POLRMT: variants seen among roughly 807,000 people sequenced by gnomAD.
POLRMT encodes the protein RNA polymerase mitochondrial, also known as DNA-directed RNA polymerase, mitochondrial.
POLRMT carries 114 observed loss-of-function variants against 132.2 expected under a neutral mutation model. The ratio of observed to expected loss-of-function variants is 0.86; its 90% CI spans 0.74 to 1.01. The LOEUF (loss-of-function observed/expected upper bound fraction) is 1.01. Ranked by LOEUF, POLRMT falls within the 50% of genes least tolerant of loss-of-function variation. POLRMT has a pLI of 0.00. For missense variants in POLRMT, 2,003 were observed against 1,729.1 expected, an observed-to-expected ratio of 1.16 and a Z score of -2.81; for synonymous variants, 1,020 against 773.4, an observed-to-expected ratio of 1.32 and a Z score of -5.29.
Position 629,620 on chromosome 19 carries a change from C to G in POLRMT, c.742G>C (p.Val248Leu). ...CGCTTCTGCCGCTGGCCGTGGTGGA[C>G]GACCAGCAGGTGGTGGGCGAGGGGC... ...QLPLAHHLLV[V>L]HHGQRQKRKL... The change falls in exon 3 of 21, where the codon GTC (valine) becomes CTC (leucine). Residue 248 changes from valine (V) to leucine (L), a missense_variant. By Grantham distance (32) the Val-to-Leu change is conservative (BLOSUM62 1). Coordinates refer to ENST00000588649, the MANE Select transcript of POLRMT (RefSeq NM_005035.4). 1.9e-6 allele frequency: 3 copies of G among 1,608,244 alleles called. No individual in the cohort carries two copies. Among genetic ancestry groups the G allele is most frequent in the Non-Finnish European group, 2.5e-6 (3 of 1,178,520 alleles).
Position 617,479 on chromosome 19 carries a change from G to T in POLRMT, c.3583C>A (p.Pro1195Thr), listed in dbSNP as rs1161048809. The change falls in exon 20 of 21, where the codon CCC becomes ACC. Residue 1195 changes from proline (P) to threonine (T), a missense_variant and splice_region_variant. Pro to Thr is a conservative substitution (Grantham distance 38). Coordinates refer to ENST00000588649, the MANE Select transcript of POLRMT (RefSeq NM_005035.4). ...RFLVKRFCSE[P>T]QKILEASQLK... The stretch of plus-strand genomic sequence containing the variant: ...TGGCTGGCCTCCAAGATCTTCTGGG[G>T]CCTGGGGTTGGAAGCAGGGTGGGGT... The T allele has an allele frequency of 6.2e-7, 1 of 1,611,040 alleles. No homozygotes were observed. The highest frequency in any genetic ancestry group is 1.1e-5 in the South Asian group (1 of 90,978).
intron 3 of POLRMT, 73 bp from the exon 4 acceptor site, chr19:625,327 C>A (rs758738299): frequency 6.3e-7 from 1 of 1,584,142 alleles, no homozygotes; most frequent in Non-Finnish European, 8.6e-7. Context: ...CCCTGGAGAC[C>A]CCTTCTCTGT....
Position 631,682 on chromosome 19 carries a change from G to A in POLRMT, c.193+1152C>T, listed in dbSNP as rs538698762. ...AAATAAAAAGACAAGCGTGATGTCC[G>A]CCTTCAGAGTGCTCCAAAACTCAGG... On this transcript the variant is annotated intron_variant, in intron 2 of 20. Coordinates refer to ENST00000588649, the MANE Select transcript of POLRMT (RefSeq NM_005035.4). Among the ~76,000 whole-genome samples the A allele has an allele frequency of 7.2e-5, 11 of 152,236 alleles. No homozygotes were observed. The South Asian group carries it at 1.0e-3, about 14-fold the overall frequency.
chr19:621,768 C>T lies in POLRMT; in HGVS notation c.1930G>A (p.Val644Met), dbSNP rs769240865. 4 of 1,601,520 alleles carry T rather than the reference C, an allele frequency of 2.5e-6. No individual in the cohort carries two copies. Among genetic ancestry groups the T allele is most frequent in the Non-Finnish European group, 1.7e-6 (2 of 1,179,786 alleles). ...AAEPTLTFEA[V>M]DVPMLCPPLP... is the part of the protein sequence containing the mutation. ...GGGGGGCAAAGCATGGGTACATCCA[C>T]CGCCTCGAAGGTCAGCGTGGGCTCC... Residue 644 changes from valine (V) to methionine (M), a missense_variant, in exon 10 of 21, where the codon GTG (valine) becomes ATG (methionine). Transcript: ENST00000588649.
chr19:619,793 G>A (rs574940699), intron 12 of POLRMT, 28 bp from the exon 13 acceptor site: 2 of 1,551,844 alleles, frequency 1.3e-6, no homozygotes, highest in South Asian at 1.2e-5. Context: ...CGGGGGCGCG[G>A]GTCAGCCCCG....
intron 2 of POLRMT, among the ~76,000 whole-genome samples, chr19:631,737 T>C (rs1386883699): frequency 6.6e-6 from 1 of 151,934 alleles, no homozygotes; most frequent in Admixed American, 6.6e-5. Flanking sequence ...AGTTGAGAGC[T>C]TTGTTTTGTT....
intron 16 of POLRMT, 32 bp downstream of exon 16, chr19:618,673 C>A (rs761739374): frequency 2.5e-6 from 4 of 1,604,512 alleles, no homozygotes; most frequent in Non-Finnish European, 3.4e-6. Context: ...TCCAGACCCC[C>A]GGCCAGGCCC....
chr19:619,891 G>C lies in POLRMT; in HGVS notation c.2886+67C>G, dbSNP rs553589031. 11 of 1,592,010 alleles carry C rather than the reference G, an allele frequency of 6.9e-6. 1 individual carries two copies. The East Asian group carries it at 1.1e-4, about 16-fold the overall frequency. ...GGACAGGCCAAGGTGAGGGCACCTGGGGCCGAGACTCAGGGCTCACATTGC... is the reference window on the plus strand; with the variant it reads ...GGACAGGCCAAGGTGAGGGCACCTGCGGCCGAGACTCAGGGCTCACATTGC... On this transcript the variant is annotated intron_variant, in intron 12 of 20. Transcript: ENST00000588649.
At position 620,458 on chromosome 19, in the gene POLRMT, T is replaced by G; in HGVS notation, c.2670A>C (p.Glu890Asp). 6.2e-7 allele frequency: 1 copy of G among 1,600,258 alleles called. No individual in the cohort carries two copies. The highest frequency in any genetic ancestry group is 8.5e-7 in the Non-Finnish European group (1 of 1,173,386). Reference sequence around the variant, plus strand: ...TACAGCAGGCCAGCGTCTGCCAGGGTTCCTCCGCGCCCATCCACCACTTTC... The same window carrying G: ...TACAGCAGGCCAGCGTCTGCCAGGGGTCCTCCGCGCCCATCCACCACTTTC... Reference protein sequence around the residue: ...TGRKWWMGAEEPWQTLACCME... With the variant: ...TGRKWWMGAEDPWQTLACCME... The change falls in exon 11 of 21, where the codon GAA becomes GAC. Residue 890 changes from glutamate (E) to aspartate (D), a missense_variant. Coordinates refer to ENST00000588649, the MANE Select transcript of POLRMT (RefSeq NM_005035.4).
At chr19:632,988 G>T (rs1052050428) in intron 1 of POLRMT, 50 bp from the exon 2 acceptor site, 4 of 1,345,414 alleles carry the variant, frequency 3.0e-6, no homozygotes, top group Non-Finnish European at 3.9e-6. Flanking sequence ...GTGGGCGGGG[G>T]CCTCCATAAA....
Position 621,840 on chromosome 19 carries a change from T to C in POLRMT, c.1858A>G (p.Ile620Val). 6.2e-7 allele frequency: 1 copy of C among 1,602,044 alleles called. No homozygotes were observed. Among genetic ancestry groups the C allele is most frequent in the Non-Finnish European group, 8.5e-7 (1 of 1,179,800 alleles). Residue 620 changes from isoleucine to valine, a missense_variant, in exon 10 of 21, where the codon ATC becomes GTC. Coordinates refer to ENST00000588649, the MANE Select transcript of POLRMT (RefSeq NM_005035.4). ...YSFRNVQQIG[I>V]LKPHPAYVQL... is the part of the protein sequence containing the mutation. ...ACGTAGGCCGGGTGCGGCTTCAGGA[T>C]GCCGATCTGGGGTGCGACAGGCAGA...
At position 621,620 on chromosome 19, in the gene POLRMT, T is replaced by C; in HGVS notation, c.2078A>G (p.His693Arg). ...LLETCPPTAL[H>R]GALDALTQLG... ...TTGGGTGAGGGCGTCCAGTGCGCCA[T>C]GCAGCGCGGTGGGCGGGCAGGTTTC... The change falls in exon 10 of 21, where the codon CAT (histidine) becomes CGT (arginine). Residue 693 changes from histidine to arginine, a missense_variant. His to Arg is a conservative substitution (Grantham distance 29). Transcript: ENST00000588649. The C allele has an allele frequency of 2.0e-6, 3 of 1,521,124 alleles. No homozygotes were observed. The highest frequency in any genetic ancestry group is 1.2e-5 in the South Asian group (1 of 81,134). The allele number at this position is 1,521,124 out of a possible 1,614,324, so 94.2% of individuals were successfully genotyped here.
chr19:629,619 ACGACCAGCAGGTGGTGGG>A lies in POLRMT; in HGVS notation c.725_742del (p.Ala242_Val247del), dbSNP rs1376804743. 1 of 1,608,334 alleles carries A rather than the reference ACGACCAGCAGGTGGTGGG, an allele frequency of 6.2e-7. No individual in the cohort carries two copies. The highest frequency in any genetic ancestry group is 1.3e-5 in the African/African-American group (1 of 74,704). On this transcript the variant is annotated inframe_deletion, in exon 3 of 21. Coordinates refer to ENST00000588649, the MANE Select transcript of POLRMT (RefSeq NM_005035.4). ...CCGCTTCTGCCGCTGGCCGTGGTGG[ACGACCAGCAGGTGGTGGG>A]CGAGGGGCAGCTGGTCAGTGAGCAG...
At chr19:619,143 C>G (rs746311144) in intron 14 of POLRMT, 33 bp from the exon 15 acceptor site, 6 of 1,610,208 alleles carry the variant, frequency 3.7e-6, no homozygotes, top group Non-Finnish European at 5.1e-6. Context: ...GGGCAGGGGG[C>G]TCAGGCCGGG....
At position 621,342 on chromosome 19, in the gene POLRMT, C is replaced by T; in HGVS notation, c.2356G>A (p.Ala786Thr). ...AAGACGCGGTCCCGCAGGTGCTGCGCCAGCGAGAGGCGGTACAGCGCCTCC... is the reference window on the plus strand; with the variant it reads ...AAGACGCGGTCCCGCAGGTGCTGCGTCAGCGAGAGGCGGTACAGCGCCTCC... ...RAEALYRLSL[A>T]QHLRDRVFWL... is the part of the protein sequence containing the mutation. The change falls in exon 10 of 21, where the codon GCG becomes ACG. Residue 786 changes from alanine (A) to threonine (T), a missense_variant. Coordinates refer to ENST00000588649, the MANE Select transcript of POLRMT (RefSeq NM_005035.4). The T allele has an allele frequency of 1.3e-6, 2 of 1,587,178 alleles. No individual in the cohort carries two copies. Among genetic ancestry groups the T allele is most frequent in the Non-Finnish European group, 1.7e-6 (2 of 1,174,246 alleles).
chr19:628,205 A>C (rs183866462), intron 3 of POLRMT, among the ~76,000 whole-genome samples: 1 of 152,284 alleles, frequency 6.6e-6, no homozygotes, highest in African/African-American at 2.4e-5. Context: ...TCGTGCTAAG[A>C]GTGCGTTTCT....
rs562071383 is a variant in POLRMT, at chr19:630,579, C to T, written c.194-411G>A. 3.9e-5 allele frequency among the ~76,000 whole-genome samples: 6 copies of T among 152,298 alleles called. No homozygotes were observed. In the South Asian group the frequency reaches 1.2e-3, roughly 32 times the overall value. On this transcript the variant is annotated intron_variant, in intron 2 of 20. Coordinates refer to ENST00000588649, the MANE Select transcript of POLRMT (RefSeq NM_005035.4). ...CAGGTGGCCCCCGCCTCCCCTGCCC[C>T]TCTCACTGTCTAGCTCAGGGCCTCT...
intron 3 of POLRMT, among the ~76,000 whole-genome samples, chr19:626,128 T>G (rs535160357): frequency 6.6e-6 from 1 of 152,038 alleles, no homozygotes; most frequent in African/African-American, 2.4e-5. Flanking sequence ...TCGAACTTCA[T>G]AGTTTACTTC....
In POLRMT at chr19:621,546, G is replaced by A; in HGVS notation, c.2152C>T (p.Leu718=). The A allele has an allele frequency of 2.1e-6, 3 of 1,413,698 alleles. No individual in the cohort carries two copies. Among genetic ancestry groups the A allele is most frequent in the African/African-American group, 1.5e-5 (1 of 66,456 alleles). 87.6% of individuals were successfully genotyped at this position (1,413,698 alleles called of 1,614,324 possible). ...RVNGRVLDLV[L]QLFQAKGCPQ... ...CAGCCCTTGGCCTGGAAGAGCTGCA[G>A]CACCAGGTCCAGCACGCGCCCGTTG... Residue 718 remains leucine (L), a synonymous_variant, in exon 10 of 21, where the codon CTG becomes TTG. Coordinates refer to ENST00000588649, the MANE Select transcript of POLRMT (RefSeq NM_005035.4).
Sources: allele counts gnomAD v4.1 joint callset (sites outside exome capture counted in the v4.1 genomes callset), GRCh38; gene constraint gnomAD v4.1.1; transcripts MANE v1.5; gene names NCBI Gene and HGNC (gene_info 2026-07-23, HGNC 2026-07-21).